The following SPMIP2 variants were observed in gnomAD, a reference collection of about 807,000 sequenced individuals.
The protein encoded by SPMIP2 is protein SPMIP2.
the SPMIP2 span, among the ~76,000 whole-genome samples, chr4:159,027,819 A>C: frequency 6.6e-6 from 1 of 152,220 alleles, no homozygotes; most frequent in Non-Finnish European, 1.5e-5. Context: ...TCAAAATTAC[A>C]TATACATTTA....
chr4:159,073,565 C>A, the SPMIP2 span, among the ~76,000 whole-genome samples: 3 of 152,174 alleles, frequency 2.0e-5, no homozygotes, highest in Non-Finnish European at 4.4e-5. Flanking sequence ...AAATACCTAA[C>A]CATGCTTGTA....
the SPMIP2 span, among the ~76,000 whole-genome samples, chr4:158,947,486 G>T: frequency 6.6e-6 from 1 of 152,076 alleles, no homozygotes; most frequent in Non-Finnish European, 1.5e-5. Flanking sequence ...TATTTCTTTG[G>T]CATGGAAAGT....
At chr4:159,032,067 C>CA in the SPMIP2 span, among the ~76,000 whole-genome samples, 3 of 151,944 alleles carry the variant, frequency 2.0e-5, no homozygotes, top group African/African-American at 7.2e-5. Context: ...ACTAAAAATA[C>CA]AAAAAATTAG....
the SPMIP2 span, among the ~76,000 whole-genome samples, chr4:158,952,796 T>C: frequency 6.6e-6 from 1 of 152,100 alleles, no homozygotes; most frequent in African/African-American, 2.4e-5. Context: ...GAGGAACTTG[T>C]TGGGAACTGG....
At chr4:158,959,087 C>A in the SPMIP2 span, among the ~76,000 whole-genome samples, 1 of 152,184 alleles carries the variant, frequency 6.6e-6, no homozygotes, top group Non-Finnish European at 1.5e-5. Context: ...ACAGCATATT[C>A]CCTAGAAATG....
At chr4:159,052,322 A>G in the SPMIP2 span, among the ~76,000 whole-genome samples, 5 of 152,278 alleles carry the variant, frequency 3.3e-5, no homozygotes, top group South Asian at 1.0e-3. Flanking sequence ...CATGGTAACA[A>G]TCAGCTACAG....
chr4:158,913,433 A>T, the SPMIP2 span, among the ~76,000 whole-genome samples: 1 of 152,114 alleles, frequency 6.6e-6, no homozygotes, highest in Non-Finnish European at 1.5e-5. Flanking sequence ...TATGTTGCCC[A>T]GGCTGCTCTC....
At chr4:159,066,905 T>G in the SPMIP2 span, among the ~76,000 whole-genome samples, 1 of 152,216 alleles carries the variant, frequency 6.6e-6, no homozygotes, top group African/African-American at 2.4e-5. Context: ...GTAGGCAATG[T>G]GTAAACAAAC....
the SPMIP2 span, among the ~76,000 whole-genome samples, chr4:158,954,397 T>C: frequency 3.3e-5 from 5 of 152,198 alleles, no homozygotes; most frequent in South Asian, 2.1e-4. Context: ...TCCCCAGTCA[T>C]GTGGAACTGT....
At chr4:159,072,306 C>G in the SPMIP2 span, among the ~76,000 whole-genome samples, 1 of 152,018 alleles carries the variant, frequency 6.6e-6, no homozygotes, top group African/African-American at 2.4e-5. Flanking sequence ...AAGTGAGACC[C>G]TGTCTCAAAA....
the SPMIP2 span, among the ~76,000 whole-genome samples, chr4:159,050,045 C>G: frequency 2.0e-5 from 3 of 152,094 alleles, no homozygotes; most frequent in African/African-American, 7.2e-5. Context: ...AAAAGGTGCC[C>G]GTTAGTGTCA....
At chr4:158,986,306 A>G in the SPMIP2 span, among the ~76,000 whole-genome samples, 1 of 152,030 alleles carries the variant, frequency 6.6e-6, no homozygotes, top group African/African-American at 2.4e-5. Context: ...TATGGAACCA[A>G]AAAAGAGCCC....
chr4:159,003,127 A>C, the SPMIP2 span, among the ~76,000 whole-genome samples: 1 of 151,274 alleles, frequency 6.6e-6, no homozygotes, highest in African/African-American at 2.4e-5. Context: ...AGTTTATACC[A>C]CTCTCTGTGT....
chr4:159,000,923 G>T, the SPMIP2 span, among the ~76,000 whole-genome samples: 2 of 152,040 alleles, frequency 1.3e-5, no homozygotes, highest in African/African-American at 4.8e-5. Context: ...ATGGACTTTG[G>T]GGTTCTTTTC....
At chr4:159,082,065 C>G in the SPMIP2 span, among the ~76,000 whole-genome samples, 2 of 151,722 alleles carry the variant, frequency 1.3e-5, no homozygotes, top group Admixed American at 1.3e-4. Flanking sequence ...TGCCTGTAAT[C>G]CCAACACTTT....
At chr4:159,054,243 A>G in the SPMIP2 span, among the ~76,000 whole-genome samples, 1 of 152,182 alleles carries the variant, frequency 6.6e-6, no homozygotes, top group South Asian at 2.1e-4. Context: ...TTGACCTCCC[A>G]AAGTGTTGGG....
chr4:159,052,347 C>T, the SPMIP2 span, among the ~76,000 whole-genome samples: 13 of 151,952 alleles, frequency 8.6e-5, no homozygotes, highest in Non-Finnish European at 1.8e-4. Context: ...GTGTCCCATG[C>T]TCCATGAGTT....
At chr4:158,900,368 A>G in the SPMIP2 span, among the ~76,000 whole-genome samples, 16 of 152,354 alleles carry the variant, frequency 1.1e-4, no homozygotes, top group Middle Eastern at 3.4e-3. Flanking sequence ...TGCTTGGTCC[A>G]GAGCTGAGTT....
chr4:158,916,256 T>C, the SPMIP2 span, among the ~76,000 whole-genome samples: 1 of 151,934 alleles, frequency 6.6e-6, no homozygotes, highest in Admixed American at 6.5e-5. Flanking sequence ...AGACAAAAAA[T>C]AAACAGATAA....
Sources: gnomAD v4.1 joint callset for allele counts (sites outside exome capture counted in the v4.1 genomes callset) on GRCh38, gnomAD v4.1.1 for gene constraint, MANE v1.5 for transcripts, NCBI Gene and HGNC (gene_info 2026-07-23, HGNC 2026-07-21) for gene names.